CHRFAM7A: variants seen among roughly 807,000 people sequenced by gnomAD.
CHRFAM7A encodes CHRNA7-FAM7A fusion protein.
A neutral mutation model predicts 29.2 loss-of-function variants in CHRFAM7A; 3 were observed. The observed-to-expected ratio is 0.10, with a 90% CI of 0.05 to 0.27. The LOEUF (loss-of-function observed/expected upper bound fraction) is 0.27, where lower values mean the gene tolerates loss of function less well. Among genes scored for constraint, CHRFAM7A ranks in the 10% least tolerant of loss-of-function variants. The pLI, the probability that CHRFAM7A is intolerant of heterozygous loss-of-function variation, is 1.00. For synonymous variants in CHRFAM7A, 7 were observed against 135.4 expected (o/e 0.05, Z 6.58); for missense variants, 22 against 328.0 (o/e 0.07, Z 7.21).
chr15:30,376,104 GGTGT>G (rs767164996), intron 5 of CHRFAM7A, among the ~76,000 whole-genome samples: 4,955 of 147,166 alleles, frequency 0.034, no homozygotes, highest in Middle Eastern at 0.099. Flanking sequence ...TGGTGTGAGT[GGTGT>G]GTGTGAGTAC....
rs2058926924 is a variant in CHRFAM7A at position 30,375,929 on chromosome 15, TG to T, written c.160+1100del. Among the ~76,000 whole-genome samples, 9 of 19,178 alleles carry T rather than the reference TG, an allele frequency of 4.7e-4. 1 individual carries two copies. Among genetic ancestry groups the T allele is most frequent in the African/African-American group, 1.4e-3 (9 of 6,344 alleles). The allele number at this position is 19,178 out of a possible 152,430, so 12.6% of individuals were successfully genotyped here. On this transcript the variant is annotated intron_variant, in intron 5 of 9. Coordinates refer to ENST00000299847, the MANE Select transcript of CHRFAM7A (RefSeq NM_139320.2). ...GTGGTTGTGTGAGTGGTGTGTGTGTTGAGTCGTGTGGGTGGTATGTGAGTGG... is the reference window on the plus strand; with the variant it reads ...GTGGTTGTGTGAGTGGTGTGTGTGTTAGTCGTGTGGGTGGTATGTGAGTGG...
chr15:30,367,146 T>C (rs1191276854), intron 9 of CHRFAM7A, among the ~76,000 whole-genome samples: 1 of 150,524 alleles, frequency 6.6e-6, no homozygotes, highest in Non-Finnish European at 1.5e-5. Context: ...ATTGGCCAGG[T>C]GTGGTGGCAG....
In CHRFAM7A at chr15:30,361,720, A is replaced by AG. The variant is rs2058744018; in HGVS notation, c.*572_*573insC. 1.1e-5 allele frequency: 1 copy of AG among 94,476 alleles called. No individual in the cohort carries two copies. Among genetic ancestry groups the AG allele is most frequent in the Admixed American group, 1.0e-4 (1 of 9,812 alleles). 5.9% of individuals were successfully genotyped at this position (94,476 alleles called of 1,614,324 possible). ...TCTGTCTTTTTTTTTTTTTTTTTTG[A>AG]TGTAGAAACAGCATCAAGCTGTTTC... On this transcript the variant is annotated 3_prime_UTR_variant, in exon 10 of 10. Coordinates refer to ENST00000299847, the MANE Select transcript of CHRFAM7A (RefSeq NM_139320.2).
At chr15:30,363,199 T>C (rs1227254991) in intron 9 of CHRFAM7A, among the ~76,000 whole-genome samples, 4 of 145,946 alleles carry the variant, frequency 2.7e-5, no homozygotes, top group African/African-American at 5.2e-5. Context: ...CACTACCTGT[T>C]AGGTGCCCTG....
At chr15:30,392,970 G>A (rs1373986090) in intron 1 of CHRFAM7A, among the ~76,000 whole-genome samples, 1 of 66,352 alleles carries the variant, frequency 1.5e-5, no homozygotes, top group African/African-American at 4.7e-5. Flanking sequence ...GGCGACCATG[G>A]GTCCCAAGAG....
At chr15:30,375,875 GTGTGT>G in intron 5 of CHRFAM7A, among the ~76,000 whole-genome samples, 1 of 100,382 alleles carries the variant, frequency 1.0e-5, no homozygotes, top group Non-Finnish European at 2.4e-5. Context: ...TGAGTGGTGT[GTGTGT>G]TGAGTCGTGT....
intron 4 of CHRFAM7A, among the ~76,000 whole-genome samples, chr15:30,377,577 C>CG (rs1433020393): frequency 1.1e-5 from 1 of 94,078 alleles, no homozygotes; most frequent in African/African-American, 3.8e-5. Flanking sequence ...ACATATATAT[C>CG]TTTTTTTTTT....
chr15:30,373,468 A>G (rs1309751664), intron 5 of CHRFAM7A, among the ~76,000 whole-genome samples: 4 of 134,990 alleles, frequency 3.0e-5, no homozygotes, highest in Non-Finnish European at 6.5e-5. Context: ...AAGAATGCAA[A>G]ATATCTCAGA....
intron 5 of CHRFAM7A, among the ~76,000 whole-genome samples, chr15:30,375,667 GGT>G (rs773666280): frequency 4.6e-3 from 680 of 146,866 alleles, no homozygotes; most frequent in South Asian, 9.3e-3. Flanking sequence ...GTGTGTGAGG[GGT>G]GTGTGTGTGT....
At chr15:30,377,628 G>A (rs62016482) in intron 4 of CHRFAM7A, among the ~76,000 whole-genome samples, 6,061 of 116,986 alleles carry the variant, frequency 0.052, 103 homozygotes, top group Non-Finnish European at 0.057. Context: ...AGGCTAGAGT[G>A]CAGTGGCATG....
intron 5 of CHRFAM7A, among the ~76,000 whole-genome samples, chr15:30,376,132 TGTGTGAG>T (rs1269228011): frequency 1.3e-5 from 2 of 148,256 alleles, no homozygotes; most frequent in African/African-American, 5.2e-5. Context: ...GTGGTGTGTG[TGTGTGAG>T]GTGTGTGTGA....
At chr15:30,372,462 AAG>A in intron 6 of CHRFAM7A, 121 bp from the exon 7 acceptor site, 31 of 252,294 alleles carry the variant, frequency 1.2e-4, no homozygotes, top group East Asian at 9.2e-4. Flanking sequence ...AAAAAAAAAA[AAG>A]GGGGGGGTTG....
intron 5 of CHRFAM7A, among the ~76,000 whole-genome samples, chr15:30,373,524 G>T (rs1185393480): frequency 1.8e-5 from 1 of 56,780 alleles, no homozygotes; most frequent in Non-Finnish European, 4.3e-5. Context: ...AATCTAAAAG[G>T]TGTGTGTGTG....
At chr15:30,366,954 ACAAAGACACGTCAAT>A (rs1241152961) in intron 9 of CHRFAM7A, among the ~76,000 whole-genome samples, 1 of 148,328 alleles carries the variant, frequency 6.7e-6, no homozygotes, top group Non-Finnish European at 1.5e-5. Context: ...TGCACACTAC[ACAAAGACACGTCAAT>A]AGGTGACGAA....
In CHRFAM7A at chr15:30,367,389, C is replaced by T. The variant is rs376754000; in HGVS notation, c.720+29G>A. 4.2e-4 allele frequency: 669 copies of T among 1,595,240 alleles called. 3 individuals are homozygous for T. The highest frequency in any genetic ancestry group is 1.0e-3 in the Admixed American group (61 of 58,714). On this transcript the variant is annotated intron_variant, in intron 9 of 9. Coordinates refer to ENST00000299847, the MANE Select transcript of CHRFAM7A (RefSeq NM_139320.2). The stretch of plus-strand genomic sequence containing the variant: ...AGGAGCCTCCTTTACAGCGGGGCTC[C>T]GACTCCATCGGGGGTGGGAGGAACG...
intron 1 of CHRFAM7A, among the ~76,000 whole-genome samples, chr15:30,391,993 AAAATAAAT>A (rs899311774): frequency 1.2e-4 from 1 of 8,448 alleles, no homozygotes; most frequent in African/African-American, 1.8e-4. Flanking sequence ...ACTCCCTCTC[AAAATAAAT>A]AAATAAATAA....
rs1217760976 is a variant in CHRFAM7A, at chr15:30,361,446, TC to T, written c.*846del. The T allele has an allele frequency of 7.2e-6, 1 of 139,372 alleles. No homozygotes were observed. The highest frequency in any genetic ancestry group is 1.6e-5 in the Non-Finnish European group (1 of 64,318). The allele number at this position is 139,372 out of a possible 1,614,324, so 8.6% of individuals were successfully genotyped here. A position where few individuals can be genotyped will look rare whatever the true frequency, so the allele number is the denominator to read the frequency against. ...AGTGGCTTCACTTAGCTGTAGCTATTCTTTTGGGCTGTTAATTCTAGTAGAA... is the reference window on the plus strand; with the variant it reads ...AGTGGCTTCACTTAGCTGTAGCTATTTTTTGGGCTGTTAATTCTAGTAGAA... On this transcript the variant is annotated 3_prime_UTR_variant, in exon 10 of 10. Coordinates refer to ENST00000299847, the MANE Select transcript of CHRFAM7A (RefSeq NM_139320.2).
chr15:30,366,805 T>A (rs2058787843), intron 9 of CHRFAM7A, among the ~76,000 whole-genome samples: 1 of 147,830 alleles, frequency 6.8e-6, no homozygotes, highest in Non-Finnish European at 1.5e-5. Flanking sequence ...ACGGCATGCA[T>A]CAAAAAACAA....
At chr15:30,375,790 T>C (rs1411876786) in intron 5 of CHRFAM7A, among the ~76,000 whole-genome samples, 2 of 148,302 alleles carry the variant, frequency 1.3e-5, no homozygotes, top group African/African-American at 5.1e-5. Context: ...TGTTGAGTCG[T>C]GTGGGTGGTA....
Sources: gnomAD v4.1 joint callset for allele counts (sites outside exome capture counted in the v4.1 genomes callset) on GRCh38, gnomAD v4.1.1 for gene constraint, MANE v1.5 for transcripts, NCBI Gene and HGNC (gene_info 2026-07-23, HGNC 2026-07-21) for gene names.